Variants in CTIF observed in about 807,000 individuals in gnomAD.
CTIF encodes cap binding complex dependent translation initiation factor.
Under a neutral mutation model 66.0 loss-of-function variants are expected in CTIF, and 21 were observed. The observed-to-expected ratio is 0.32, with a 90% confidence interval of 0.23 to 0.46. The LOEUF (loss-of-function observed/expected upper bound fraction) is 0.46. Ranked by LOEUF, CTIF falls within the 20% of genes least tolerant of loss-of-function variation. The probability of loss-of-function intolerance (pLI) is 1.00; values close to 1 mark genes in which losing one functional copy is unlikely to be tolerated. For missense variants in CTIF, 739 were observed against 812.7 expected (o/e 0.91, Z 1.10); for synonymous variants, 345 against 326.4 (o/e 1.06, Z -0.62).
intron 10 of CTIF, among the ~76,000 whole-genome samples, chr18:48,842,025 G>A (rs879464849): frequency 1.2e-4 from 18 of 152,306 alleles, no homozygotes; most frequent in Middle Eastern, 3.4e-3. Flanking sequence ...GTTCTCAATC[G>A]GGGGCAGTTA....
intron 7 of CTIF, among the ~76,000 whole-genome samples, chr18:48,753,634 G>A (rs920309803): frequency 6.6e-6 from 1 of 152,154 alleles, no homozygotes; most frequent in African/African-American, 2.4e-5. Context: ...CTAACAGCAG[G>A]TGTTGCCAGT....
chr18:48,564,463 G>A (rs1368454729), intron 1 of CTIF, among the ~76,000 whole-genome samples: 2 of 152,170 alleles, frequency 1.3e-5, no homozygotes, highest in East Asian at 1.9e-4. Flanking sequence ...GCTTATCCTG[G>A]GAGAATATTT....
At chr18:48,674,602 C>T (rs1259703349) in intron 6 of CTIF, among the ~76,000 whole-genome samples, 2 of 152,250 alleles carry the variant, frequency 1.3e-5, no homozygotes, top group East Asian at 1.9e-4. Flanking sequence ...GTGACTCCAT[C>T]TGGCTGTGTT....
intron 3 of CTIF, among the ~76,000 whole-genome samples, chr18:48,657,826 T>TG (rs1225562775): frequency 2.6e-5 from 4 of 152,174 alleles, no homozygotes; most frequent in African/African-American, 9.7e-5. Flanking sequence ...ACTCCATACA[T>TG]GCTGCTGCTT....
At chr18:48,674,990 C>T (rs1165353344) in intron 6 of CTIF, among the ~76,000 whole-genome samples, 1 of 151,036 alleles carries the variant, frequency 6.6e-6, no homozygotes, top group Non-Finnish European at 1.5e-5. Context: ...ACAATGGCAG[C>T]CTCAGGCCAG....
intron 2 of CTIF, among the ~76,000 whole-genome samples, chr18:48,622,027 C>T (rs954020186): frequency 2.6e-5 from 4 of 152,130 alleles, no homozygotes; most frequent in South Asian, 2.1e-4. Flanking sequence ...CTTGCGGCCA[C>T]GAAGGTGCAG....
chr18:48,821,661 G>T (rs2068485602), intron 10 of CTIF, among the ~76,000 whole-genome samples: 1 of 152,234 alleles, frequency 6.6e-6, no homozygotes, highest in African/African-American at 2.4e-5. Flanking sequence ...TGCTTTTCTT[G>T]TTTAAGAACA....
chr18:48,775,621 C>T (rs1910599055), intron 9 of CTIF, among the ~76,000 whole-genome samples: 1 of 152,260 alleles, frequency 6.6e-6, no homozygotes, highest in African/African-American at 2.4e-5. Flanking sequence ...GCACTGGCCT[C>T]TGCCTGACAC....
chr18:48,634,577 G>T (rs990065589), intron 2 of CTIF, among the ~76,000 whole-genome samples: 1 of 152,212 alleles, frequency 6.6e-6, no homozygotes, highest in Admixed American at 6.5e-5. Flanking sequence ...GGTGAGGCTG[G>T]AGCCAGGAAG....
At chr18:48,770,306 TTGCCACTG>T (rs199593200) in intron 9 of CTIF, among the ~76,000 whole-genome samples, 2 of 152,200 alleles carry the variant, frequency 1.3e-5, no homozygotes, top group African/African-American at 4.8e-5. Flanking sequence ...TCCTGCCTCT[TTGCCACTG>T]CGCCACTGTG....
chr18:48,812,152 C>T (rs987722026), intron 9 of CTIF, among the ~76,000 whole-genome samples: 2 of 152,040 alleles, frequency 1.3e-5, no homozygotes, highest in Non-Finnish European at 2.9e-5. Flanking sequence ...TTAGTAGAGG[C>T]GGGGTTTCAC....
intron 2 of CTIF, among the ~76,000 whole-genome samples, chr18:48,623,023 C>A (rs910690071): frequency 6.6e-6 from 1 of 152,230 alleles, no homozygotes; most frequent in Non-Finnish European, 1.5e-5. Flanking sequence ...CCAGCGGGGA[C>A]ATAGTTTTGA....
chr18:48,798,676 G>A (rs916672246), intron 9 of CTIF, among the ~76,000 whole-genome samples: 3 of 152,194 alleles, frequency 2.0e-5, no homozygotes, highest in Non-Finnish European at 4.4e-5. Context: ...GCGCTCCCCA[G>A]TATTTCTCAA....
At chr18:48,619,245 T>C (rs759321724) in intron 1 of CTIF, among the ~76,000 whole-genome samples, 12 of 152,214 alleles carry the variant, frequency 7.9e-5, no homozygotes, top group Non-Finnish European at 1.6e-4. Context: ...TCCCAGCGAT[T>C]AAGGCCTAGG....
intron 6 of CTIF, among the ~76,000 whole-genome samples, chr18:48,700,573 G>T (rs1395397144): frequency 2.0e-5 from 3 of 152,232 alleles, no homozygotes; most frequent in African/African-American, 7.2e-5. Flanking sequence ...AGATGCCCCT[G>T]CCCTGTGCGA....
intron 6 of CTIF, among the ~76,000 whole-genome samples, chr18:48,683,896 A>C (rs2091790214): frequency 6.6e-6 from 1 of 152,164 alleles, no homozygotes; most frequent in African/African-American, 2.4e-5. Flanking sequence ...CAGGCTCCCA[A>C]GCTCTCATGG....
intron 9 of CTIF, among the ~76,000 whole-genome samples, chr18:48,779,348 A>G (rs1400496843): frequency 6.6e-6 from 1 of 152,146 alleles, no homozygotes; most frequent in African/African-American, 2.4e-5. Context: ...AAAGTTCCAG[A>G]GAGCTTAGGA....
chr18:48,655,208 G>C (rs2091225559), intron 3 of CTIF, among the ~76,000 whole-genome samples: 2 of 151,150 alleles, frequency 1.3e-5, no homozygotes, highest in South Asian at 4.2e-4. Context: ...GGGAGGTTGA[G>C]GCAAGAGAAT....
intron 1 of CTIF, among the ~76,000 whole-genome samples, chr18:48,608,042 T>C (rs1005793860): frequency 1.3e-5 from 2 of 152,226 alleles, no homozygotes; most frequent in Non-Finnish European, 2.9e-5. Flanking sequence ...CATAGACCAC[T>C]TCCAGTTAGT....
Sources: allele counts gnomAD v4.1 joint callset (sites outside exome capture counted in the v4.1 genomes callset), GRCh38; gene constraint gnomAD v4.1.1; transcripts MANE v1.5; gene names NCBI Gene and HGNC (gene_info 2026-07-23, HGNC 2026-07-21).